The following ZNF143 variants were observed in gnomAD, a reference collection of about 807,000 sequenced individuals.
ZNF143 encodes SPH-binding factor.
A neutral mutation model predicts 74.1 loss-of-function variants in ZNF143; 49 were observed. That is an observed-to-expected ratio of 0.66 (90% CI 0.53 to 0.84). The LOEUF (loss-of-function observed/expected upper bound fraction) is 0.84. Among genes scored for constraint, ZNF143 ranks in the 40% least tolerant of loss-of-function variants. The pLI, the probability that ZNF143 is intolerant of heterozygous loss-of-function variation, is 0.00. For missense variants in ZNF143, 637 were observed against 793.4 expected, an observed-to-expected ratio of 0.80 and a Z score of 2.37; for synonymous variants, 304 against 282.8, an observed-to-expected ratio of 1.07 and a Z score of -0.75.
intron 12 of ZNF143, among the ~76,000 whole-genome samples, chr11:9,511,516 A>G (rs929592781): frequency 2.4e-4 from 36 of 148,898 alleles, no homozygotes; most frequent in African/African-American, 8.2e-4. Flanking sequence ...GTTAGCCAGG[A>G]TGGTCTCGAT....
chr11:9,497,759 A>G lies in ZNF143; in HGVS notation c.926A>G (p.Lys309Arg), dbSNP rs1390631847. 6.2e-7 allele frequency: 1 copy of G among 1,612,880 alleles called. No homozygotes were observed. The highest frequency in any genetic ancestry group is 2.2e-5 in the East Asian group (1 of 44,846). The change falls in exon 10 of 16, where the codon AAA (lysine) becomes AGA (arginine). Residue 309 changes from lysine (K) to arginine (R), a missense_variant. Around this residue, in one of 2 missense-constraint regions of ZNF143, gnomAD observed 344 missense variants for 485.6 expected, o/e 0.71. Coordinates refer to ENST00000396602, the MANE Select transcript of ZNF143 (RefSeq NM_003442.6). The part of the protein sequence containing the change: ...CSEDNCTKSF[K>R]TSGDLQKHIR... ...GAAGATAATTGTACTAAATCTTTCA[A>G]AACTTCAGGAGATCTACAGAAACAC...
chr11:9,520,180 C>T (rs893182598), intron 14 of ZNF143, among the ~76,000 whole-genome samples: 1 of 151,408 alleles, frequency 6.6e-6, no homozygotes, highest in Non-Finnish European at 1.5e-5. Flanking sequence ...GGATTACAGG[C>T]ACCCACCAGC....
At chr11:9,475,453 T>A (rs1228874870) in intron 5 of ZNF143, among the ~76,000 whole-genome samples, 1 of 151,980 alleles carries the variant, frequency 6.6e-6, no homozygotes, top group Non-Finnish European at 1.5e-5. Flanking sequence ...TTCTGATTAA[T>A]TTTTTTTGTT....
chr11:9,525,451 A>G, intron 15 of ZNF143, 65 bp downstream of exon 15: 1 of 1,599,866 alleles, frequency 6.3e-7, no homozygotes, highest in Non-Finnish European at 8.6e-7. Flanking sequence ...AACTTTGTAC[A>G]CTGTGCTTCG....
At chr11:9,525,416 G>A (rs764416608) in intron 15 of ZNF143, 30 bp downstream of exon 15, 19 of 1,613,412 alleles carry the variant, frequency 1.2e-5, no homozygotes, top group African/African-American at 2.7e-5. Flanking sequence ...GTCCTCAGTC[G>A]ACAGCAGTGC....
At chr11:9,496,561 A>T (rs1847964703) in intron 9 of ZNF143, among the ~76,000 whole-genome samples, 183 bp downstream of exon 9, 1 of 150,504 alleles carries the variant, frequency 6.6e-6, no homozygotes. Flanking sequence ...TCTTTTCTCC[A>T]CTGACCTGTC....
chr11:9,480,299 G>T (rs1024133858), intron 7 of ZNF143, among the ~76,000 whole-genome samples: 1 of 152,150 alleles, frequency 6.6e-6, no homozygotes, highest in African/African-American at 2.4e-5. Flanking sequence ...GGGTATGCTT[G>T]GAGCTTGTAT....
rs10840249 is a variant in ZNF143, at chr11:9,497,873, T to C, written c.967+73T>C. 0.49 allele frequency: 566,267 copies of C among 1,159,530 alleles called. 142,953 individuals are homozygous for C. Among genetic ancestry groups the C allele is most frequent in the Middle Eastern group, 0.56 (1,938 of 3,482 alleles). The allele number at this position is 1,159,530 out of a possible 1,614,324, so 71.8% of individuals were successfully genotyped here. ...TGAGACGGAGTCTCGCTCTGTCGCC[T>C]AGGCTGGAGTGCAGTGGTGCAATCT... On this transcript the variant is annotated intron_variant, in intron 10 of 15. Coordinates refer to ENST00000396602, the MANE Select transcript of ZNF143 (RefSeq NM_003442.6).
chr11:9,520,025 A>AT (rs954404348), intron 14 of ZNF143, among the ~76,000 whole-genome samples: 6,818 of 91,352 alleles, frequency 0.075, 967 homozygotes, highest in Admixed American at 0.091. Flanking sequence ...GTTTCCACCA[A>AT]TTTTTTTTTT....
intron 11 of ZNF143, among the ~76,000 whole-genome samples, chr11:9,501,943 T>C (rs1848176726): frequency 7.3e-6 from 1 of 137,530 alleles, no homozygotes; most frequent in East Asian, 2.1e-4. Flanking sequence ...TTTTTTTTTT[T>C]TTTTTTTTTT....
chr11:9,526,184 A>G (rs143186943), intron 15 of ZNF143, among the ~76,000 whole-genome samples: 95 of 151,958 alleles, frequency 6.3e-4, no homozygotes, highest in African/African-American at 2.0e-3. Context: ...ACGAAACCCC[A>G]TCTCTACAAA....
At chr11:9,503,642 CTTTT>C (rs796242391) in intron 11 of ZNF143, among the ~76,000 whole-genome samples, 2 of 138,084 alleles carry the variant, frequency 1.4e-5, no homozygotes, top group Non-Finnish European at 1.6e-5. Context: ...TGATGTGAAG[CTTTT>C]TTTTTTTTTT....
At chr11:9,500,395 T>TTCC (rs1357634557) in intron 10 of ZNF143, among the ~76,000 whole-genome samples, 1 of 151,976 alleles carries the variant, frequency 6.6e-6, no homozygotes, top group Non-Finnish European at 1.5e-5. Flanking sequence ...CCTGACACAG[T>TTCC]TAATATTAGG....
At chr11:9,527,281 T>TCATA (rs992989789) in intron 15 of ZNF143, among the ~76,000 whole-genome samples, 37 of 152,150 alleles carry the variant, frequency 2.4e-4, no homozygotes, top group African/African-American at 8.7e-4. Flanking sequence ...TGAGACCTCA[T>TCATA]CATATCACCA....
chr11:9,514,361 G>C (rs557399709), intron 13 of ZNF143, among the ~76,000 whole-genome samples: 34 of 152,290 alleles, frequency 2.2e-4, no homozygotes, highest in Admixed American at 9.8e-4. Context: ...TCAGGAATTA[G>C]ATTTCCATTC....
rs1394537711 is a variant in ZNF143, at chr11:9,528,428, T to C, written c.*815T>C. On this transcript the variant is annotated 3_prime_UTR_variant, in exon 16 of 16. Coordinates refer to ENST00000396602, the MANE Select transcript of ZNF143 (RefSeq NM_003442.6). Reference sequence around the variant, plus strand: ...TCTGAAAATTAGGTTAGTGGGTTGGTGTAAATTATTTATTTTTGCTTATGT... The same window carrying C: ...TCTGAAAATTAGGTTAGTGGGTTGGCGTAAATTATTTATTTTTGCTTATGT... The C allele has an allele frequency of 1.3e-5, 2 of 152,198 alleles. No homozygotes were observed. The highest frequency in any genetic ancestry group is 4.8e-5 in the African/African-American group (2 of 41,456). The allele number at this position is 152,198 out of a possible 1,614,324, so 9.4% of individuals were successfully genotyped here.
Position 9,482,051 on chromosome 11 carries a change from A to G in ZNF143, c.645+2505A>G, listed in dbSNP as rs1232975860. On this transcript the variant is annotated intron_variant, in intron 7 of 15. Coordinates refer to ENST00000396602, the MANE Select transcript of ZNF143 (RefSeq NM_003442.6). Reference sequence around the variant, plus strand: ...AGTGGCTCGATCTTGGCTCACTGCAAGCTCTGCCTCCCGGGTTCACGCCAT... The same window carrying G: ...AGTGGCTCGATCTTGGCTCACTGCAGGCTCTGCCTCCCGGGTTCACGCCAT... 2.1e-5 allele frequency among the ~76,000 whole-genome samples: 3 copies of G among 145,426 alleles called. No homozygotes were observed. The East Asian group carries it at 6.2e-4, about 30-fold the overall frequency.
chr11:9,475,866 C>G (rs1445812828), intron 5 of ZNF143, among the ~76,000 whole-genome samples: 1 of 151,158 alleles, frequency 6.6e-6, no homozygotes, highest in Non-Finnish European at 1.5e-5. Context: ...CCACTGCACT[C>G]CAGCCTGGGC....
At chr11:9,521,772 A>C (rs796361763) in intron 14 of ZNF143, among the ~76,000 whole-genome samples, 1 of 152,144 alleles carries the variant, frequency 6.6e-6, no homozygotes, top group South Asian at 2.1e-4. Flanking sequence ...TTTAATATAC[A>C]TAGGATCTGG....
Sources: allele counts gnomAD v4.1 joint callset (sites outside exome capture counted in the v4.1 genomes callset), GRCh38; gene constraint gnomAD v4.1.1; regional missense constraint gnomAD v4.1.1; transcripts MANE v1.5; gene names NCBI Gene and HGNC (gene_info 2026-07-23, HGNC 2026-07-21).